Variants in TMT1B observed in about 807,000 individuals in gnomAD.
TMT1B encodes the protein thiol methyltransferase 1B.
the TMT1B span, chr12:55,684,304 A>T: frequency 2.2e-6 from 1 of 457,850 alleles, no homozygotes; most frequent in Non-Finnish European, 4.0e-6. Context: ...TTGTATCCTC[A>T]ACTGCAAGTT....
chr12:55,682,263 T>G, the TMT1B span: 3 of 1,594,082 alleles, frequency 1.9e-6, no homozygotes, highest in Admixed American at 1.7e-5. Context: ...GTAAGCAGGG[T>G]GGGAAGGGGA....
At chr12:55,682,127 G>T in the TMT1B span, 6 of 1,614,144 alleles carry the variant, frequency 3.7e-6, no homozygotes, top group East Asian at 1.1e-4. Flanking sequence ...GTTTGTGGTG[G>T]CTCCTGGAGA....
the TMT1B span, chr12:55,681,974 C>T: frequency 3.7e-6 from 6 of 1,614,112 alleles, no homozygotes; most frequent in Non-Finnish European, 5.1e-6. Flanking sequence ...GAAAGTGGCC[C>T]TACTGGAGCT....
chr12:55,682,050 C>G, the TMT1B span: 4 of 1,614,222 alleles, frequency 2.5e-6, no homozygotes, highest in Non-Finnish European at 3.4e-6. Context: ...TGCCTAGACC[C>G]AAATCCCCAC....
the TMT1B span, chr12:55,682,228 G>A: frequency 1.2e-6 from 2 of 1,613,734 alleles, no homozygotes; most frequent in Non-Finnish European, 8.5e-7. Context: ...AGGTCCTGCA[G>A]GAGGTCCGGA....
the TMT1B span, chr12:55,681,915 A>G: frequency 6.2e-7 from 1 of 1,613,904 alleles, no homozygotes; most frequent in Non-Finnish European, 8.5e-7. Context: ...ATGGAGAGCA[A>G]GAAACGGGAG....
At chr12:55,684,482 C>A in the TMT1B span, 1 of 176,186 alleles carries the variant, frequency 5.7e-6, no homozygotes. Flanking sequence ...CCCTCTCTCC[C>A]CACTACCACC....
the TMT1B span, chr12:55,684,308 G>A: frequency 2.2e-6 from 1 of 445,746 alleles, no homozygotes; most frequent in Admixed American, 3.7e-5. Context: ...ATCCTCAACT[G>A]CAAGTTTCTG....
the TMT1B span, chr12:55,682,106 C>G: frequency 6.2e-7 from 1 of 1,614,158 alleles, no homozygotes; most frequent in Non-Finnish European, 8.5e-7. Flanking sequence ...CAGGCACCTC[C>G]AATATGAGCG....
At chr12:55,682,104 TC>T in the TMT1B span, 1 of 1,614,144 alleles carries the variant, frequency 6.2e-7, no homozygotes, top group Non-Finnish European at 8.5e-7. Flanking sequence ...AACAGGCACC[TC>T]CAATATGAGC....
the TMT1B span, chr12:55,682,266 G>A: frequency 3.1e-4 from 500 of 1,602,496 alleles, 2 homozygotes; most frequent in South Asian, 5.7e-4. Flanking sequence ...AGCAGGGTGG[G>A]AAGGGGATGG....
the TMT1B span, chr12:55,681,964 G>A: frequency 6.2e-7 from 1 of 1,614,202 alleles, no homozygotes; most frequent in Non-Finnish European, 8.5e-7. Context: ...GAGCCTCCGG[G>A]AAAGTGGCCC....
chr12:55,682,214 A>G, the TMT1B span: 3 of 1,613,882 alleles, frequency 1.9e-6, no homozygotes, highest in Admixed American at 1.7e-5. Flanking sequence ...GCAGAGCCCA[A>G]GGAAGGTCCT....
chr12:55,681,873 T>C, the TMT1B span: 3 of 1,605,260 alleles, frequency 1.9e-6, no homozygotes, highest in African/African-American at 4.0e-5. Flanking sequence ...CCCTACCTGA[T>C]GGCCGTGCTG....
chr12:55,683,729 A>C, the TMT1B span: 4 of 1,360,430 alleles, frequency 2.9e-6, no homozygotes, highest in Non-Finnish European at 4.2e-6. Context: ...CCATTTCACC[A>C]AGAAGTTTGA....
the TMT1B span, among the ~76,000 whole-genome samples, chr12:55,683,362 G>A: frequency 6.6e-6 from 1 of 152,184 alleles, no homozygotes; most frequent in African/African-American, 2.4e-5. Context: ...GGGCGTGGTG[G>A]CTCATGCCTG....
chr12:55,682,389 A>G, the TMT1B span: 5 of 820,972 alleles, frequency 6.1e-6, no homozygotes, highest in Admixed American at 2.8e-5. Context: ...CCTGCTGGTG[A>G]ATAGGAGACA....
the TMT1B span, among the ~76,000 whole-genome samples, chr12:55,683,274 T>C: frequency 6.6e-6 from 1 of 152,078 alleles, no homozygotes; most frequent in African/African-American, 2.4e-5. Flanking sequence ...CAGGTGGATC[T>C]CTTGAGGCCA....
chr12:55,683,233 C>T, the TMT1B span, among the ~76,000 whole-genome samples: 5 of 152,166 alleles, frequency 3.3e-5, no homozygotes, highest in Admixed American at 6.5e-5. Context: ...AGGTGGCTCA[C>T]GCCTGTAATC....
Sources: gnomAD v4.1 joint callset for allele counts (sites outside exome capture counted in the v4.1 genomes callset) on GRCh38, gnomAD v4.1.1 for gene constraint, MANE v1.5 for transcripts, NCBI Gene and HGNC (gene_info 2026-07-23, HGNC 2026-07-21) for gene names.